KLHL1: variants seen among roughly 807,000 people sequenced by gnomAD.
The protein encoded by KLHL1 is kelch-like protein 1.
In KLHL1, 47 loss-of-function variants were observed where a neutral mutation model predicts 77.7. That is an observed-to-expected ratio of 0.60 (90% CI 0.48 to 0.77). The LOEUF (loss-of-function observed/expected upper bound fraction) is 0.77. Ranked by LOEUF, KLHL1 falls within the 30% of genes least tolerant of loss-of-function variation. The pLI is 0.00. For synonymous variants in KLHL1, 360 were observed against 325.2 expected, an observed-to-expected ratio of 1.11 and a Z score of -1.15; for missense variants, 925 against 910.8, an observed-to-expected ratio of 1.02 and a Z score of -0.20.
intron 1 of KLHL1, among the ~76,000 whole-genome samples, chr13:70,034,297 C>T (rs1159826234): frequency 6.6e-6 from 1 of 152,194 alleles, no homozygotes; most frequent in Non-Finnish European, 1.5e-5. Flanking sequence ...GTAGAAAGTA[C>T]TCTACTATTG....
At chr13:70,007,671 A>G (rs7990606) in intron 1 of KLHL1, among the ~76,000 whole-genome samples, 14,157 of 152,022 alleles carry the variant, frequency 0.093, 719 homozygotes, top group Non-Finnish European at 0.11. Context: ...TTGTTGGTGA[A>G]CCATTATATA....
At chr13:69,996,909 AATTTTTTTT>A (rs1566484234) in intron 1 of KLHL1, among the ~76,000 whole-genome samples, 3 of 106,622 alleles carry the variant, frequency 2.8e-5, no homozygotes, top group African/African-American at 7.5e-5. Context: ...TTATTCATTA[AATTTTTTTT>A]TTTTTTTTTT....
intron 7 of KLHL1, among the ~76,000 whole-genome samples, chr13:69,765,753 T>C (rs927901446): frequency 6.6e-6 from 1 of 152,134 alleles, no homozygotes; most frequent in East Asian, 1.9e-4. Flanking sequence ...GTGCAATGGA[T>C]AGAATTGAAG....
intron 1 of KLHL1, among the ~76,000 whole-genome samples, chr13:69,976,426 T>C (rs1884546786): frequency 6.6e-6 from 1 of 152,046 alleles, no homozygotes; most frequent in Admixed American, 6.6e-5. Flanking sequence ...AACTTTATGA[T>C]TTTGGAAAGT....
chr13:69,770,514 T>C (rs1875513437), intron 7 of KLHL1, among the ~76,000 whole-genome samples: 1 of 152,240 alleles, frequency 6.6e-6, no homozygotes. Context: ...TTTTAAATTT[T>C]TTTGTTGAAA....
At chr13:69,851,400 A>T (rs1330943807) in intron 5 of KLHL1, among the ~76,000 whole-genome samples, 1 of 151,784 alleles carries the variant, frequency 6.6e-6, no homozygotes, top group Non-Finnish European at 1.5e-5. Context: ...GCAGACTCAA[A>T]ATCAAAAGAA....
At chr13:70,043,444 A>G (rs1055361953) in intron 1 of KLHL1, among the ~76,000 whole-genome samples, 1 of 152,160 alleles carries the variant, frequency 6.6e-6, no homozygotes, top group Non-Finnish European at 1.5e-5. Context: ...TAGCCAAAAC[A>G]TACAGCGTTT....
chr13:69,732,139 C>T (rs1328683549), intron 8 of KLHL1, among the ~76,000 whole-genome samples: 4 of 151,998 alleles, frequency 2.6e-5, no homozygotes, highest in African/African-American at 7.2e-5. Context: ...GAGATACAAA[C>T]GATCATAAAC....
intron 8 of KLHL1, among the ~76,000 whole-genome samples, chr13:69,730,280 TGTG>T (rs1305689899): frequency 0.01 from 1,542 of 152,006 alleles, 23 homozygotes; most frequent in African/African-American, 0.034. Flanking sequence ...TGTGTGTGTG[TGTG>T]TGTGTGTGTG....
chr13:69,839,767 G>C (rs148136660), intron 5 of KLHL1, among the ~76,000 whole-genome samples: 35 of 152,080 alleles, frequency 2.3e-4, no homozygotes, highest in African/African-American at 7.9e-4. Flanking sequence ...GACCAATAGA[G>C]TGAGACCAGT....
At chr13:70,104,141 T>C (rs544822315) in intron 1 of KLHL1, among the ~76,000 whole-genome samples, 2 of 152,262 alleles carry the variant, frequency 1.3e-5, no homozygotes, top group East Asian at 1.9e-4. Context: ...AACAAAAATA[T>C]ATGGTTATCT....
At chr13:69,947,979 T>C (rs74633158) in intron 3 of KLHL1, among the ~76,000 whole-genome samples, 1,565 of 152,280 alleles carry the variant, frequency 0.01, 26 homozygotes, top group African/African-American at 0.035. Context: ...AAAACCTACA[T>C]GTTTTTAGTT....
chr13:69,706,153 AT>A (rs200920987), intron 10 of KLHL1, among the ~76,000 whole-genome samples: 182 of 149,368 alleles, frequency 1.2e-3, no homozygotes, highest in African/African-American at 4.1e-3. Flanking sequence ...ACTTGCTTTT[AT>A]TTTTTTTTTA....
chr13:69,719,195 TGTGTGTGTGTGTGTGAGAGA>T (rs369084206), intron 9 of KLHL1, among the ~76,000 whole-genome samples, 154 bp downstream of exon 9: 39 of 132,152 alleles, frequency 3.0e-4, no homozygotes, highest in South Asian at 2.5e-3. Context: ...TGTGTGTGTG[TGTGTGTGTGTGTGTGAGAGA>T]GAGAGAGAGA....
chr13:69,846,418 C>T (rs767815948), intron 5 of KLHL1, among the ~76,000 whole-genome samples: 4 of 151,336 alleles, frequency 2.6e-5, no homozygotes, highest in African/African-American at 9.7e-5. Context: ...TATGAAAAAT[C>T]GGAATAATTT....
At chr13:69,912,753 C>T (rs1172759027) in intron 4 of KLHL1, among the ~76,000 whole-genome samples, 2 of 152,072 alleles carry the variant, frequency 1.3e-5, no homozygotes, top group Non-Finnish European at 2.9e-5. Context: ...GATTTTCTGT[C>T]GTCTAGCCTT....
intron 7 of KLHL1, among the ~76,000 whole-genome samples, chr13:69,756,218 T>A (rs1874727702): frequency 6.6e-6 from 1 of 152,150 alleles, no homozygotes; most frequent in Admixed American, 6.5e-5. Flanking sequence ...CTACATATGT[T>A]GAGGTTGGAT....
At chr13:70,104,285 T>C (rs1206687830) in intron 1 of KLHL1, among the ~76,000 whole-genome samples, 1 of 152,116 alleles carries the variant, frequency 6.6e-6, no homozygotes, top group Non-Finnish European at 1.5e-5. Context: ...CACTGAGATT[T>C]ATTTAGGGTG....
chr13:69,844,764 T>TTTATTTA (rs527260176), intron 5 of KLHL1, among the ~76,000 whole-genome samples: 8 of 150,858 alleles, frequency 5.3e-5, no homozygotes, highest in African/African-American at 2.0e-4. Flanking sequence ...CTTCTGGGTT[T>TTTATTTA]TTTATTTATT....
Sources: gnomAD v4.1 joint callset for allele counts (sites outside exome capture counted in the v4.1 genomes callset) on GRCh38, gnomAD v4.1.1 for gene constraint, MANE v1.5 for transcripts, NCBI Gene and HGNC (gene_info 2026-07-23, HGNC 2026-07-21) for gene names.